Variants in PTPRM observed in about 807,000 individuals in gnomAD.
PTPRM encodes receptor-type tyrosine-protein phosphatase mu.
A neutral mutation model predicts 186.7 loss-of-function variants in PTPRM; 47 were observed. The observed-to-expected ratio is 0.25, with a 90% CI of 0.20 to 0.32. The LOEUF is 0.32. PTPRM is among the 10% of genes least tolerant of loss of function. The pLI is 1.00. For missense variants in PTPRM, 1,494 were observed against 1,865.0 expected, an observed-to-expected ratio of 0.80 and a Z score of 3.66; for synonymous variants, 668 against 674.9, an observed-to-expected ratio of 0.99 and a Z score of 0.16.
intron 20 of PTPRM, among the ~76,000 whole-genome samples, chr18:8,306,367 T>G (rs771705223): frequency 7.2e-5 from 11 of 152,188 alleles, no homozygotes; most frequent in Non-Finnish European, 1.3e-4. Context: ...ATGTGAGTTG[T>G]AGAGCCAGCA....
intron 6 of PTPRM, among the ~76,000 whole-genome samples, chr18:7,951,533 C>T (rs1383994494): frequency 1.3e-5 from 2 of 152,032 alleles, no homozygotes; most frequent in African/African-American, 4.8e-5. Flanking sequence ...TGAATAGATT[C>T]GTATTCATAT....
At chr18:8,385,492 G>A (rs1043970833) in intron 30 of PTPRM, among the ~76,000 whole-genome samples, 3 of 152,184 alleles carry the variant, frequency 2.0e-5, no homozygotes, top group East Asian at 3.9e-4. Context: ...GAGCACCGAG[G>A]CTCTCTGGGG....
intron 1 of PTPRM, among the ~76,000 whole-genome samples, chr18:7,645,680 A>G (rs962011626): frequency 6.6e-6 from 1 of 152,204 alleles, no homozygotes; most frequent in Non-Finnish European, 1.5e-5. Flanking sequence ...AATTCAATAT[A>G]TAACACAGAT....
intron 7 of PTPRM, among the ~76,000 whole-genome samples, chr18:8,039,993 A>G (rs2086590114): frequency 6.6e-6 from 1 of 152,208 alleles, no homozygotes. Context: ...CATATTGTAA[A>G]CCAATAGAAC....
At chr18:8,046,164 C>T (rs2087038293) in intron 7 of PTPRM, among the ~76,000 whole-genome samples, 1 of 152,182 alleles carries the variant, frequency 6.6e-6, no homozygotes, top group South Asian at 2.1e-4. Flanking sequence ...GAGGTACCTT[C>T]TGCCATGACT....
chr18:7,994,657 A>G (rs1017997388), intron 7 of PTPRM, among the ~76,000 whole-genome samples: 4 of 152,320 alleles, frequency 2.6e-5, no homozygotes, highest in South Asian at 2.1e-4. Context: ...ATAAACTACA[A>G]ATCAGTAGCA....
chr18:8,247,217 A>G (rs2056945800), intron 15 of PTPRM, among the ~76,000 whole-genome samples: 1 of 152,176 alleles, frequency 6.6e-6, no homozygotes, highest in African/African-American at 2.4e-5. Context: ...AATCAGATAA[A>G]TTGGATGGGA....
intron 2 of PTPRM, among the ~76,000 whole-genome samples, chr18:7,807,682 C>A (rs973783192): frequency 9.9e-5 from 15 of 152,166 alleles, no homozygotes; most frequent in African/African-American, 3.6e-4. Flanking sequence ...AAGTGCACCA[C>A]TCTGTTGAGA....
chr18:8,122,820 T>A (rs1311150776), intron 13 of PTPRM, among the ~76,000 whole-genome samples: 1 of 152,234 alleles, frequency 6.6e-6, no homozygotes, highest in East Asian at 1.9e-4. Context: ...AGGGTGGCAG[T>A]GTTCTAACAG....
chr18:7,888,513 T>A, intron 3 of PTPRM, 136 bp downstream of exon 3: 1 of 1,000,196 alleles, frequency 1.0e-6, no homozygotes, highest in East Asian at 2.7e-5. Context: ...GGAACTCTCA[T>A]CCTATACTGT....
intron 1 of PTPRM, among the ~76,000 whole-genome samples, chr18:7,582,921 A>G (rs763133796): frequency 2.0e-5 from 3 of 152,230 alleles, no homozygotes; most frequent in Non-Finnish European, 4.4e-5. Context: ...TGAGTTCTCA[A>G]GGTGGCTGTG....
At chr18:7,903,228 A>AG (rs1189020458) in intron 3 of PTPRM, among the ~76,000 whole-genome samples, 2 of 152,228 alleles carry the variant, frequency 1.3e-5, no homozygotes, top group Non-Finnish European at 2.9e-5. Context: ...ATAAGAGAGA[A>AG]GAAGGAAGAG....
intron 14 of PTPRM, among the ~76,000 whole-genome samples, chr18:8,203,000 GA>G (rs2146862151): frequency 6.6e-6 from 1 of 152,192 alleles, no homozygotes; most frequent in East Asian, 1.9e-4. Flanking sequence ...TCATCACCCC[GA>G]AAAATGAGTT....
chr18:8,339,302 A>C (rs1476116434), intron 22 of PTPRM, among the ~76,000 whole-genome samples: 2 of 151,910 alleles, frequency 1.3e-5, no homozygotes, highest in Admixed American at 6.6e-5. Context: ...AGGAGACGGA[A>C]TGTATTACTG....
rs78384344 is a variant in PTPRM, at chr18:7,771,388, A to G, written c.74-2761A>G. Among the ~76,000 whole-genome samples the G allele has an allele frequency of 5.8e-3, 880 of 152,330 alleles. 5 individuals are homozygous for G. The highest frequency in any genetic ancestry group is 0.019 in the African/African-American group (809 of 41,576). On this transcript the variant is annotated intron_variant, in intron 1 of 32. Coordinates refer to ENST00000580170, the MANE Select transcript of PTPRM (RefSeq NM_001105244.2). The stretch of plus-strand genomic sequence containing the variant: ...AATTAGGGTTTGCAACCGAGAGACA[A>G]TACTTCTCGTAAATGTTTGCAGTCT...
chr18:8,051,253 C>T (rs2087475689), intron 7 of PTPRM, among the ~76,000 whole-genome samples: 1 of 152,170 alleles, frequency 6.6e-6, no homozygotes, highest in Admixed American at 6.5e-5. Context: ...AAAGAGCCAA[C>T]AATCTTTCTA....
intron 7 of PTPRM, among the ~76,000 whole-genome samples, chr18:8,031,092 T>C (rs774870803): frequency 5.3e-4 from 81 of 152,356 alleles, no homozygotes; most frequent in South Asian, 1.7e-3. Context: ...TTTAAGCAAT[T>C]ACTTAATATT....
At chr18:7,921,055 A>G (rs930294854) in intron 4 of PTPRM, among the ~76,000 whole-genome samples, 5 of 151,946 alleles carry the variant, frequency 3.3e-5, no homozygotes, top group Non-Finnish European at 7.4e-5. Context: ...TCTAATCATT[A>G]TATCTTTTGG....
intron 7 of PTPRM, among the ~76,000 whole-genome samples, chr18:8,062,770 GGGGGTCA>G (rs2088652619): frequency 1.2e-5 from 1 of 83,770 alleles, no homozygotes; most frequent in Non-Finnish European, 2.3e-5. Context: ...TAGGCTGCTC[GGGGGTCA>G]GGGGTCAGGG....
Sources: allele counts gnomAD v4.1 joint callset (sites outside exome capture counted in the v4.1 genomes callset), GRCh38; gene constraint gnomAD v4.1.1; transcripts MANE v1.5; gene names NCBI Gene and HGNC (gene_info 2026-07-23, HGNC 2026-07-21).